The following IQSEC1 variants were observed in gnomAD, a reference collection of about 807,000 sequenced individuals.
The protein encoded by IQSEC1 is IQ motif and SEC7 domain-containing protein 1.
In IQSEC1, 31 loss-of-function variants were observed where a neutral mutation model predicts 91.0. The observed-to-expected ratio is 0.34, with a 90% CI of 0.26 to 0.46. The LOEUF (loss-of-function observed/expected upper bound fraction) is 0.46, where lower values mean the gene tolerates loss of function less well. Among genes scored for constraint, IQSEC1 ranks in the 20% least tolerant of loss-of-function variants. The pLI, the probability that IQSEC1 is intolerant of heterozygous loss-of-function variation, is 1.00. For synonymous variants in IQSEC1, 699 were observed against 662.6 expected (o/e 1.05, Z -0.84); for missense variants, 1,388 against 1,575.6 (o/e 0.88, Z 2.02).
At chr3:13,245,964 G>C (rs1402299304) in intron 1 of IQSEC1, among the ~76,000 whole-genome samples, 2 of 152,132 alleles carry the variant, frequency 1.3e-5, no homozygotes, top group African/African-American at 2.4e-5. Flanking sequence ...TGAACTTCCA[G>C]CTGAAGTTGA....
chr3:13,225,617 T>C (rs913700635), intron 1 of IQSEC1, among the ~76,000 whole-genome samples: 1 of 151,950 alleles, frequency 6.6e-6, no homozygotes, highest in Non-Finnish European at 1.5e-5. Flanking sequence ...CTGGGAGAGA[T>C]GAAGAAAATA....
In IQSEC1 at chr3:12,992,937, T is replaced by C. The variant is rs1413516297; in HGVS notation, c.24-51072A>G. On this transcript the variant is annotated intron_variant, in intron 1 of 13. Coordinates refer to ENST00000613206, the MANE Select transcript of IQSEC1 (RefSeq NM_001134382.3). This position sits in a 1 kb window ranked among gnomAD's most constrained non-coding sequence, Gnocchi z 4.1. ...TTGACTCACCTCTGCCAACCCACCC[T>C]GCCTGCTTAGAGCCCAAGGGCAGGT... Among the ~76,000 whole-genome samples, 1 of 152,124 alleles carries C rather than the reference T, an allele frequency of 6.6e-6. No homozygotes were observed. The highest frequency in any genetic ancestry group is 1.5e-5 in the Non-Finnish European group (1 of 67,998).
At chr3:12,957,228 C>T (rs572495572) in intron 1 of IQSEC1, among the ~76,000 whole-genome samples, 2 of 152,330 alleles carry the variant, frequency 1.3e-5, no homozygotes, top group South Asian at 4.1e-4. Context: ...AGACTGCTTC[C>T]CTTGCCATGA....
At chr3:13,254,098 G>A (rs1478433143) in intron 1 of IQSEC1, among the ~76,000 whole-genome samples, 2 of 152,258 alleles carry the variant, frequency 1.3e-5, no homozygotes, top group East Asian at 3.8e-4. Context: ...CCGTCACGTT[G>A]ACCTGGAGGT....
At chr3:13,144,482 C>A (rs1378553397) in intron 2 of IQSEC1, among the ~76,000 whole-genome samples, 2 of 152,220 alleles carry the variant, frequency 1.3e-5, no homozygotes, top group African/African-American at 4.8e-5. Context: ...CCTGCCTTTC[C>A]CTCCCTCGGC....
intron 2 of IQSEC1, among the ~76,000 whole-genome samples, chr3:13,156,322 A>G (rs1396209963): frequency 6.6e-6 from 1 of 152,242 alleles, no homozygotes; most frequent in Non-Finnish European, 1.5e-5. Context: ...AATGAAGACC[A>G]TATACAAAAA....
In IQSEC1 at chr3:12,922,317, GT is replaced by G; in HGVS notation, c.1731-76del. The stretch of plus-strand genomic sequence containing the variant: ...ACGCCCAGCCCACCCCCAGGTGGTG[GT>G]GCCTGAAGCCCTGGGAATGGACCGC... On this transcript the variant is annotated intron_variant, in intron 4 of 13. Coordinates refer to ENST00000613206, the MANE Select transcript of IQSEC1 (RefSeq NM_001134382.3). This position sits in a 1 kb window ranked among gnomAD's most constrained non-coding sequence, Gnocchi z 5.1. 11 of 1,447,120 alleles carry G rather than the reference GT, an allele frequency of 7.6e-6. No individual in the cohort carries two copies. The South Asian group carries it at 1.6e-4, about 21-fold the overall frequency. 89.6% of individuals were successfully genotyped at this position (1,447,120 alleles called of 1,614,324 possible). A position where few individuals can be genotyped will look rare whatever the true frequency, so the allele number is the denominator to read the frequency against.
Position 13,073,176 on chromosome 3 carries a change from T to TG in IQSEC1, c.-163dup. 4.8e-6 allele frequency: 2 copies of TG among 416,042 alleles called. No individual in the cohort carries two copies. The highest frequency in any genetic ancestry group is 8.6e-6 in the Non-Finnish European group (2 of 232,404). The allele number at this position is 416,042 out of a possible 1,614,324, so 25.8% of individuals were successfully genotyped here. A position where few individuals can be genotyped will look rare whatever the true frequency, so the allele number is the denominator to read the frequency against. On this transcript the variant is annotated 5_prime_UTR_variant, in exon 1 of 14. Coordinates refer to ENST00000613206, the MANE Select transcript of IQSEC1 (RefSeq NM_001134382.3). ...GGGTGGCGGGCTCCTCCAGGGAGGC[T>TG]GGGGCGGGAGCGGGGGGCGGCGCCA...
intron 1 of IQSEC1, among the ~76,000 whole-genome samples, chr3:13,041,065 T>C (rs1238718588): frequency 6.6e-6 from 1 of 152,046 alleles, no homozygotes; most frequent in Non-Finnish European, 1.5e-5. Context: ...TGCCCTCTGG[T>C]TTTATTCTGC....
chr3:13,104,637 C>A (rs1218363606), intron 2 of IQSEC1, among the ~76,000 whole-genome samples: 4 of 152,210 alleles, frequency 2.6e-5, no homozygotes, highest in Non-Finnish European at 5.9e-5. Flanking sequence ...CCTCCCCCAC[C>A]TCTCCCCCTC....
At chr3:12,965,656 C>G (rs974876573) in intron 1 of IQSEC1, among the ~76,000 whole-genome samples, 1 of 152,202 alleles carries the variant, frequency 6.6e-6, no homozygotes, top group Non-Finnish European at 1.5e-5. Flanking sequence ...AAGCAGGCTT[C>G]CCTGAAGCTG....
At chr3:13,083,971 C>G (rs1705693336) in intron 2 of IQSEC1, among the ~76,000 whole-genome samples, 1 of 152,240 alleles carries the variant, frequency 6.6e-6, no homozygotes, top group Non-Finnish European at 1.5e-5. Flanking sequence ...ATCCCCTAGC[C>G]TTCCCCAGGG....
chr3:12,923,273 G>A (rs768717015), intron 4 of IQSEC1, among the ~76,000 whole-genome samples: 14 of 151,658 alleles, frequency 9.2e-5, no homozygotes, highest in African/African-American at 2.4e-4. Flanking sequence ...ACCAGGGACC[G>A]GCTTGGAGTG....
intron 2 of IQSEC1, among the ~76,000 whole-genome samples, chr3:13,109,667 C>T (rs1229143839): frequency 6.6e-6 from 1 of 152,032 alleles, no homozygotes; most frequent in African/African-American, 2.4e-5. Context: ...CTCCCCTCTC[C>T]TCCCCTGCCC....
chr3:13,019,857 AGCCTCCCGTAAGGCCCC>A (rs1271163983), intron 1 of IQSEC1, among the ~76,000 whole-genome samples: 11 of 152,252 alleles, frequency 7.2e-5, no homozygotes, highest in Non-Finnish European at 1.5e-5. Flanking sequence ...ACAGCCACAA[AGCCTCCCGTAAGGCCCC>A]GCCCCACAGC....
At chr3:13,246,583 C>T (rs2125109989) in intron 1 of IQSEC1, among the ~76,000 whole-genome samples, 1 of 152,314 alleles carries the variant, frequency 6.6e-6, no homozygotes, top group East Asian at 1.9e-4. Flanking sequence ...GGAAATATAG[C>T]TACGAAATAT....
rs181410854 is a variant in IQSEC1, at chr3:12,897,920, T to C, written c.*3063A>G. On this transcript the variant is annotated 3_prime_UTR_variant, in exon 14 of 14. Coordinates refer to ENST00000613206, the MANE Select transcript of IQSEC1 (RefSeq NM_001134382.3). ...CTTTATTTTTACATTGTTGTACAAT[T>C]CATTGGTAAACTTAAAAAAATACAA... 10 of 152,394 alleles carry C rather than the reference T, an allele frequency of 6.6e-5. No homozygotes were observed. In the South Asian group the frequency reaches 1.7e-3, roughly 25 times the overall value. 9.4% of individuals were successfully genotyped at this position (152,394 alleles called of 1,614,324 possible).
At chr3:13,023,214 G>A (rs1411723349) in intron 1 of IQSEC1, among the ~76,000 whole-genome samples, 2 of 152,094 alleles carry the variant, frequency 1.3e-5, no homozygotes, top group African/African-American at 4.8e-5. Flanking sequence ...TGGGATGAAG[G>A]GCTGGAGCCT....
At position 12,941,721 on chromosome 3, in the gene IQSEC1, C is replaced by G. The variant is rs766222619; in HGVS notation, c.168G>C (p.Ser56=). 3.1e-6 allele frequency: 5 copies of G among 1,612,370 alleles called. No homozygotes were observed. Among genetic ancestry groups the G allele is most frequent in the Non-Finnish European group, 4.2e-6 (5 of 1,179,970 alleles). Residue 56 remains serine (S), a synonymous_variant, in exon 2 of 14, where the codon TCG becomes TCC. Coordinates refer to ENST00000613206, the MANE Select transcript of IQSEC1 (RefSeq NM_001134382.3). ...HTSVGAYGLY[S]GPPGQQQRTR... ...TGCGCTGCTGTTGCCCCGGCGGCCC[C>G]GAGTACAGCCCATAGGCTCCCACTG... is the stretch of plus-strand genomic sequence containing the variant.
Sources: gnomAD v4.1 joint callset for allele counts (sites outside exome capture counted in the v4.1 genomes callset) on GRCh38, gnomAD v4.1.1 for gene constraint, Gnocchi (gnomAD v3.1) non-coding constraint, MANE v1.5 for transcripts, NCBI Gene and HGNC (gene_info 2026-07-23, HGNC 2026-07-21) for gene names.